SHANK2: variants seen among roughly 807,000 people sequenced by gnomAD.
SHANK2 encodes the protein SH3 and multiple ankyrin repeat domains protein 2.
A neutral mutation model predicts 133.7 loss-of-function variants in SHANK2; 43 were observed. The ratio of observed to expected loss-of-function variants is 0.32; its 90% CI spans 0.25 to 0.41. The LOEUF (loss-of-function observed/expected upper bound fraction) is 0.41. SHANK2 is among the 10% of genes least tolerant of loss of function. The pLI is 1.00. For synonymous variants in SHANK2, 1,017 were observed against 952.8 expected (o/e 1.07, Z -1.24); for missense variants, 1,994 against 2,235.8 (o/e 0.89, Z 2.18).
At chr11:70,706,749 A>T (rs554135569) in intron 14 of SHANK2, among the ~76,000 whole-genome samples, 101 of 148,614 alleles carry the variant, frequency 6.8e-4, no homozygotes, top group African/African-American at 2.4e-3. Flanking sequence ...ACTGAAAGGA[A>T]AAAAAAAAAA....
chr11:70,622,327 C>T (rs570388981), intron 17 of SHANK2, among the ~76,000 whole-genome samples: 1 of 152,134 alleles, frequency 6.6e-6, no homozygotes. Flanking sequence ...CCCCCGCCCC[C>T]ACCTGTGCTG....
intron 10 of SHANK2, among the ~76,000 whole-genome samples, chr11:70,954,972 G>A (rs1158404396): frequency 6.6e-6 from 1 of 152,226 alleles, no homozygotes; most frequent in Non-Finnish European, 1.5e-5. Flanking sequence ...CACAGGACTA[G>A]GCAGGGTGCC....
intron 1 of SHANK2, among the ~76,000 whole-genome samples, chr11:71,239,212 A>G (rs1555124079): frequency 6.6e-6 from 1 of 152,228 alleles, no homozygotes; most frequent in East Asian, 1.9e-4. Context: ...ACATGGGCTC[A>G]AAGCCCCAGC....
intron 14 of SHANK2, among the ~76,000 whole-genome samples, chr11:70,790,948 C>T (rs895344175): frequency 7.2e-5 from 11 of 152,190 alleles, no homozygotes; most frequent in African/African-American, 2.7e-4. Context: ...CTAAGGTCCT[C>T]GAGGATGACC....
chr11:70,762,109 CTT>C (rs1213484001), intron 14 of SHANK2, among the ~76,000 whole-genome samples: 1 of 152,240 alleles, frequency 6.6e-6, no homozygotes, highest in East Asian at 1.9e-4. Context: ...CTCCTGCTCT[CTT>C]TTCCTCAATC....
rs542549103 is a variant in SHANK2 at position 70,633,128 on chromosome 11, C to T, written c.2061+26700G>A. ...TTTAGACACGTTGAATATATAAATA[C>T]GTTATATATATTATGTATGTTATAT... is the stretch of plus-strand genomic sequence containing the variant. On this transcript the variant is annotated intron_variant, in intron 17 of 25. Coordinates refer to ENST00000601538, the MANE Select transcript of SHANK2 (RefSeq NM_012309.5). 4.3e-4 allele frequency among the ~76,000 whole-genome samples: 65 copies of T among 150,412 alleles called. 1 individual carries two copies. Among genetic ancestry groups the T allele is most frequent in the Non-Finnish European group, 6.6e-4 (45 of 67,766 alleles).
intron 2 of SHANK2, among the ~76,000 whole-genome samples, chr11:71,181,602 G>A (rs1555113770): frequency 1.3e-5 from 2 of 152,216 alleles, no homozygotes; most frequent in Non-Finnish European, 2.9e-5. Context: ...ACCAGCAAGA[G>A]GAAAGGGCAG....
intron 10 of SHANK2, among the ~76,000 whole-genome samples, chr11:70,923,858 T>C (rs1438127029): frequency 1.3e-5 from 2 of 152,136 alleles, no homozygotes; most frequent in African/African-American, 4.8e-5. Flanking sequence ...TGGCCAAGCA[T>C]CAATGTCTTA....
In SHANK2 at chr11:71,116,047, G is replaced by T. The variant is rs1297695003; in HGVS notation, c.412-2683C>A. 7.9e-5 allele frequency among the ~76,000 whole-genome samples: 12 copies of T among 152,138 alleles called. 1 individual carries two copies. The highest frequency in any genetic ancestry group is 2.2e-4 in the African/African-American group (9 of 41,428). On this transcript the variant is annotated intron_variant, in intron 4 of 25. Transcript: ENST00000601538. ...GTGGCATCTCATCTTTTTCTACACT[G>T]AAACCCCTCCCTGAATCTGACACAT...
At chr11:70,950,411 G>C (rs1186689447) in intron 10 of SHANK2, among the ~76,000 whole-genome samples, 1 of 151,668 alleles carries the variant, frequency 6.6e-6, no homozygotes, top group Non-Finnish European at 1.5e-5. Flanking sequence ...GGCTGGTCTC[G>C]AACTCCTGAC....
In SHANK2 at chr11:70,485,475, G is replaced by A. The variant is rs145248675; in HGVS notation, c.4818C>T (p.Gly1606=). The part of the protein sequence containing the change: ...VLQPRTSKLW[G]DVTEIKSPIL... ...TCGGGCTTTTGATCTCTGTGACGTC[G>A]CCCCACAACTTGGAGGTCCTTGGCT... The change falls in exon 25 of 26, where the codon GGC becomes GGT. Residue 1606 remains glycine, a synonymous_variant. Transcript: ENST00000601538. The surrounding 1 kb of genome is among the most constrained non-coding windows in gnomAD (Gnocchi z 5.8). The A allele has an allele frequency of 9.9e-6, 16 of 1,613,680 alleles. No homozygotes were observed. Among genetic ancestry groups the A allele is most frequent in the African/African-American group, 4.0e-5 (3 of 74,898 alleles).
intron 14 of SHANK2, among the ~76,000 whole-genome samples, chr11:70,763,457 G>A (rs376602266): frequency 6.6e-6 from 1 of 152,126 alleles, no homozygotes. Flanking sequence ...GCTCTGCAGG[G>A]AAGTGTAGCA....
At position 70,675,811 on chromosome 11, in the gene SHANK2, G is replaced by A. The variant is rs534591013; in HGVS notation, c.1854-14133C>T. ...GGGTAATGCCAGGGAGGAAGGACACGGTGGGGTGAGCAAGGCCAAAGGCAA... is the reference window on the plus strand; with the variant it reads ...GGGTAATGCCAGGGAGGAAGGACACAGTGGGGTGAGCAAGGCCAAAGGCAA... On this transcript the variant is annotated intron_variant, in intron 15 of 25. Transcript: ENST00000601538. Among the ~76,000 whole-genome samples, 38 of 152,304 alleles carry A rather than the reference G, an allele frequency of 2.5e-4. 1 individual carries two copies. In the South Asian group the frequency reaches 6.8e-3, roughly 27 times the overall value.
intron 2 of SHANK2, among the ~76,000 whole-genome samples, chr11:71,198,325 T>C (rs1953950393): frequency 6.6e-6 from 1 of 152,134 alleles, no homozygotes; most frequent in Non-Finnish European, 1.5e-5. Flanking sequence ...AACAGGACAG[T>C]GACCCCAGTT....
intron 11 of SHANK2, among the ~76,000 whole-genome samples, chr11:70,875,143 G>A (rs1949537416): frequency 6.6e-6 from 1 of 152,110 alleles, no homozygotes. Context: ...GCAATTTTTA[G>A]AACGGGGGGA....
At chr11:70,667,435 C>T (rs572123906) in intron 15 of SHANK2, among the ~76,000 whole-genome samples, 6 of 152,272 alleles carry the variant, frequency 3.9e-5, no homozygotes, top group South Asian at 4.1e-4. Context: ...GGGATGGCCA[C>T]GCAGCAGGCC....
chr11:70,733,100 C>T (rs1946324433), intron 14 of SHANK2, among the ~76,000 whole-genome samples: 1 of 152,134 alleles, frequency 6.6e-6, no homozygotes, highest in African/African-American at 2.4e-5. Flanking sequence ...GTGGGATCGT[C>T]CGCGACAGAA....
intron 11 of SHANK2, among the ~76,000 whole-genome samples, chr11:70,875,734 G>A (rs1472696345): frequency 2.0e-5 from 3 of 151,728 alleles, no homozygotes; most frequent in Non-Finnish European, 4.4e-5. Context: ...GCATACCTGT[G>A]GTCCCAGCTA....
chr11:70,901,432 G>C (rs1411671794), intron 10 of SHANK2, among the ~76,000 whole-genome samples: 2 of 152,200 alleles, frequency 1.3e-5, no homozygotes, highest in African/African-American at 4.8e-5. Context: ...GGAAGGACTA[G>C]TCCTGTAAGA....
Sources: gnomAD v4.1 joint callset for allele counts (sites outside exome capture counted in the v4.1 genomes callset) on GRCh38, gnomAD v4.1.1 for gene constraint, Gnocchi (gnomAD v3.1) non-coding constraint, MANE v1.5 for transcripts, NCBI Gene and HGNC (gene_info 2026-07-23, HGNC 2026-07-21) for gene names.